Variants in FSTL4 observed in about 807,000 individuals in gnomAD.
FSTL4 encodes follistatin-related protein 4.
FSTL4 carries 28 observed loss-of-function variants against 78.2 expected under a neutral mutation model. The ratio of observed to expected loss-of-function variants is 0.36; its 90% CI spans 0.27 to 0.49. The LOEUF (loss-of-function observed/expected upper bound fraction) is 0.49, where lower values mean the gene tolerates loss of function less well. Among genes scored for constraint, FSTL4 ranks in the 20% least tolerant of loss-of-function variants. The probability of loss-of-function intolerance (pLI) is 0.98; values close to 1 mark genes in which losing one functional copy is unlikely to be tolerated. For synonymous variants in FSTL4, 422 were observed against 440.5 expected (o/e 0.96, Z 0.53); for missense variants, 922 against 1,084.9 (o/e 0.85, Z 2.11).
chr5:133,580,376 G>A (rs898320377), intron 2 of FSTL4, among the ~76,000 whole-genome samples: 4 of 152,226 alleles, frequency 2.6e-5, no homozygotes, highest in South Asian at 2.1e-4. Context: ...TCATCCCTTC[G>A]TTTGTTCATG....
intron 7 of FSTL4, among the ~76,000 whole-genome samples, chr5:133,239,840 T>C (rs1273049860): frequency 6.6e-6 from 1 of 152,116 alleles, no homozygotes; most frequent in Non-Finnish European, 1.5e-5. Flanking sequence ...AGCTCAGGGA[T>C]TATAAACGCA....
chr5:133,545,232 C>T lies in FSTL4; in HGVS notation c.160+21954G>A, dbSNP rs182296318. ...TTGAGAGTGCTCCCCAAGATTCCAG[C>T]GTGAGATCTGGTCCCTGGTGTGGCA... On this transcript the variant is annotated intron_variant, in intron 3 of 15. Coordinates refer to ENST00000265342, the MANE Select transcript of FSTL4 (RefSeq NM_015082.2). Among the ~76,000 whole-genome samples, 7 of 152,230 alleles carry T rather than the reference C, an allele frequency of 4.6e-5. No individual in the cohort carries two copies. The South Asian group carries it at 1.0e-3, about 23-fold the overall frequency.
intron 3 of FSTL4, among the ~76,000 whole-genome samples, chr5:133,516,453 C>T (rs1341323790): frequency 2.6e-5 from 4 of 151,936 alleles, no homozygotes; most frequent in Admixed American, 2.6e-4. Context: ...ATAAAATGTG[C>T]AAAACACCTA....
the FSTL4 span, among the ~76,000 whole-genome samples, chr5:133,809,169 C>T: frequency 8.1e-4 from 123 of 151,894 alleles, 1 homozygote; most frequent in Non-Finnish European, 1.3e-3. Context: ...GGTTCGAGAC[C>T]GGCCTGGCCA....
chr5:133,571,854 G>A (rs1760162425), intron 2 of FSTL4, among the ~76,000 whole-genome samples: 1 of 151,856 alleles, frequency 6.6e-6, no homozygotes, highest in African/African-American at 2.4e-5. Flanking sequence ...AGATCTGAAA[G>A]GAAAAAAGAT....
chr5:133,744,743 C>T, the FSTL4 span, among the ~76,000 whole-genome samples: 1 of 152,318 alleles, frequency 6.6e-6, no homozygotes, highest in South Asian at 2.1e-4. Context: ...GACTAAGATG[C>T]ACCCTTCCTG....
intron 3 of FSTL4, among the ~76,000 whole-genome samples, chr5:133,410,351 C>T (rs1335702993): frequency 6.6e-6 from 1 of 152,226 alleles, no homozygotes; most frequent in African/African-American, 2.4e-5. Context: ...TTCCCCAGCT[C>T]CTCTGGGCTC....
At chr5:133,430,781 T>C (rs981765188) in intron 3 of FSTL4, among the ~76,000 whole-genome samples, 3 of 152,148 alleles carry the variant, frequency 2.0e-5, no homozygotes, top group Non-Finnish European at 2.9e-5. Context: ...CATAACTGGA[T>C]ATTGAGATGC....
intron 4 of FSTL4, among the ~76,000 whole-genome samples, chr5:133,358,298 CT>C (rs35920245): frequency 6.6e-6 from 1 of 152,188 alleles, no homozygotes; most frequent in Non-Finnish European, 1.5e-5. Context: ...CTATAACTAT[CT>C]TTGGGGAGGA....
chr5:133,307,459 C>T (rs1467163474), intron 6 of FSTL4, among the ~76,000 whole-genome samples: 1 of 152,204 alleles, frequency 6.6e-6, no homozygotes, highest in African/African-American at 2.4e-5. Context: ...ACTATGTGAT[C>T]TTGGGTTAGC....
the FSTL4 span, among the ~76,000 whole-genome samples, chr5:133,719,745 G>A: frequency 6.6e-6 from 1 of 150,640 alleles, no homozygotes; most frequent in African/African-American, 2.4e-5. Context: ...ATAAATATAG[G>A]CATTAATACT....
chr5:133,275,314 C>T (rs971166567), intron 6 of FSTL4, among the ~76,000 whole-genome samples: 11 of 152,172 alleles, frequency 7.2e-5, no homozygotes, highest in African/African-American at 2.6e-4. Context: ...AATCCCAGCA[C>T]TTTGGGAGGC....
At chr5:133,791,669 G>A in the FSTL4 span, among the ~76,000 whole-genome samples, 2 of 152,136 alleles carry the variant, frequency 1.3e-5, no homozygotes, top group African/African-American at 2.4e-5. Flanking sequence ...AACTGCCCTC[G>A]TCTGTCTACA....
At position 133,201,807 on chromosome 5, in the gene FSTL4, G is replaced by A. The variant is rs1750328465; in HGVS notation, c.1826+126C>T. 1.2e-5 allele frequency: 7 copies of A among 584,906 alleles called. No individual in the cohort carries two copies. In the South Asian group the frequency reaches 2.0e-4, roughly 17 times the overall value. 36.2% of individuals were successfully genotyped at this position (584,906 alleles called of 1,614,324 possible). On this transcript the variant is annotated intron_variant, in intron 15 of 15. Coordinates refer to ENST00000265342, the MANE Select transcript of FSTL4 (RefSeq NM_015082.2). ...GACCTTCTCTGTTCCTTCGTGATGGGGTCCAAATCCAGCATGGGAGTGGAG... is the reference window on the plus strand; with the variant it reads ...GACCTTCTCTGTTCCTTCGTGATGGAGTCCAAATCCAGCATGGGAGTGGAG...
At position 133,413,077 on chromosome 5, in the gene FSTL4, T is replaced by C. The variant is rs191010880; in HGVS notation, c.161-12091A>G. Among the ~76,000 whole-genome samples the C allele has an allele frequency of 3.3e-4, 50 of 152,280 alleles. No individual in the cohort carries two copies. In the East Asian group the frequency reaches 6.0e-3, roughly 18 times the overall value. The stretch of plus-strand genomic sequence containing the variant: ...CTCATATAAAAATTAAATATCTCTT[T>C]TATTCTTCTACTGTTTATCTCAAAT... On this transcript the variant is annotated intron_variant, in intron 3 of 15. Coordinates refer to ENST00000265342, the MANE Select transcript of FSTL4 (RefSeq NM_015082.2).
At chr5:133,227,377 G>A (rs888777567) in intron 8 of FSTL4, among the ~76,000 whole-genome samples, 7 of 152,078 alleles carry the variant, frequency 4.6e-5, no homozygotes, top group South Asian at 2.1e-4. Context: ...TCTCTGACCC[G>A]TTTGATCCAA....
the FSTL4 span, among the ~76,000 whole-genome samples, chr5:133,693,989 A>G: frequency 1.3e-5 from 2 of 152,230 alleles, no homozygotes; most frequent in African/African-American, 4.8e-5. Context: ...CTCCTCACAG[A>G]CATGCCCAGA....
intron 4 of FSTL4, among the ~76,000 whole-genome samples, chr5:133,347,969 A>G (rs2126923593): frequency 6.6e-6 from 1 of 152,238 alleles, no homozygotes; most frequent in Middle Eastern, 3.4e-3. Context: ...AAGACAAGGA[A>G]ACTGAGGCCC....
intron 2 of FSTL4, chr5:133,583,717 G>A (rs1760489111): frequency 3.7e-5 from 1 of 27,110 alleles, no homozygotes; most frequent in African/African-American, 1.3e-4. Flanking sequence ...ACGAGGCTGG[G>A]GGAGGGGCGC....
Sources: gnomAD v4.1 joint callset for allele counts (sites outside exome capture counted in the v4.1 genomes callset) on GRCh38, gnomAD v4.1.1 for gene constraint, MANE v1.5 for transcripts, NCBI Gene and HGNC (gene_info 2026-07-23, HGNC 2026-07-21) for gene names.